The following TECPR1 variants were observed in gnomAD, a reference collection of about 807,000 sequenced individuals.
TECPR1 encodes tectonin beta-propeller repeat containing 1.
Under a neutral mutation model 162.4 loss-of-function variants are expected in TECPR1, and 122 were observed. The observed-to-expected ratio is 0.75, with a 90% CI of 0.65 to 0.87. The LOEUF is 0.87. Ranked by LOEUF, TECPR1 falls within the 40% of genes least tolerant of loss-of-function variation. The probability of loss-of-function intolerance (pLI) is 0.00; values close to 1 mark genes in which losing one functional copy is unlikely to be tolerated. For missense variants in TECPR1, 1,432 were observed against 1,618.2 expected, an observed-to-expected ratio of 0.88 and a Z score of 1.97; for synonymous variants, 642 against 670.6, an observed-to-expected ratio of 0.96 and a Z score of 0.66.
intron 21 of TECPR1, 51 bp downstream of exon 21, chr7:98,222,939 C>G: frequency 6.3e-7 from 1 of 1,596,492 alleles, no homozygotes; most frequent in Non-Finnish European, 8.5e-7. Flanking sequence ...CTGCCGGACT[C>G]CAGAGCAAAG....
intron 23 of TECPR1, among the ~76,000 whole-genome samples, chr7:98,218,596 A>T (rs1798073984): frequency 1.3e-5 from 2 of 152,212 alleles, no homozygotes; most frequent in South Asian, 4.1e-4. Context: ...CTGAGAATCA[A>T]ATTAACCCCT....
In TECPR1 at chr7:98,238,371, C is replaced by T. The variant is rs980228328; in HGVS notation, c.1035+138G>A. 5 of 722,360 alleles carry T rather than the reference C, an allele frequency of 6.9e-6. No homozygotes were observed. In the African/African-American group the frequency reaches 8.8e-5, roughly 13 times the overall value. The allele number at this position is 722,360 out of a possible 1,614,324, so 44.7% of individuals were successfully genotyped here. ...GGCAGCAGAGGGAAGCCTGGCACCT[C>T]AGAAAGAACTTCTTGCTCAGTACAA... On this transcript the variant is annotated intron_variant, in intron 9 of 25. Transcript: ENST00000447648.
chr7:98,219,620 G>A (rs1033125448), intron 23 of TECPR1, among the ~76,000 whole-genome samples: 5 of 152,200 alleles, frequency 3.3e-5, no homozygotes, highest in African/African-American at 7.2e-5. Flanking sequence ...GAAGATATGC[G>A]GCTGGGCGCG....
Position 98,231,966 on chromosome 7 carries a change from A to G in TECPR1, c.1819-7T>C, listed in dbSNP as rs1562938033. 4 of 1,596,470 alleles carry G rather than the reference A, an allele frequency of 2.5e-6. No homozygotes were observed. Among genetic ancestry groups the G allele is most frequent in the East Asian group, 2.2e-5 (1 of 44,642 alleles). ...CGGTCTTCACCCACACCGACTGCGC[A>G]GGCCGGGGCAGTGGACACCATCACA... On this transcript the variant is annotated splice_polypyrimidine_tract_variant and splice_region_variant and intron_variant, in intron 12 of 25. Coordinates refer to ENST00000447648, the MANE Select transcript of TECPR1 (RefSeq NM_015395.3).
intron 2 of TECPR1, among the ~76,000 whole-genome samples, chr7:98,248,983 G>A (rs1053715665): frequency 4.0e-5 from 6 of 151,676 alleles, no homozygotes; most frequent in Admixed American, 3.3e-4. Flanking sequence ...CCACCTTCTG[G>A]GTTCAAGTGA....
chr7:98,245,701 T>A (rs913357295), intron 3 of TECPR1, among the ~76,000 whole-genome samples: 1 of 152,106 alleles, frequency 6.6e-6, no homozygotes, highest in African/African-American at 2.4e-5. Flanking sequence ...CTCAAACTCC[T>A]GAGCTCAAGC....
At chr7:98,217,616 C>G in intron 25 of TECPR1, 76 bp downstream of exon 25, 1 of 1,523,500 alleles carries the variant, frequency 6.6e-7, no homozygotes, top group Non-Finnish European at 8.8e-7. Context: ...GACAGTCCCA[C>G]AGTGGTCGTC....
chr7:98,248,252 C>G (rs935188217), intron 2 of TECPR1, among the ~76,000 whole-genome samples: 3 of 152,156 alleles, frequency 2.0e-5, no homozygotes, highest in Admixed American at 2.0e-4. Context: ...GCCACCAGGG[C>G]CATCACCTGA....
chr7:98,235,903 C>G (rs907938372), intron 10 of TECPR1, among the ~76,000 whole-genome samples: 2 of 150,926 alleles, frequency 1.3e-5, no homozygotes, highest in African/African-American at 4.9e-5. Context: ...AACGCCTGCC[C>G]TGGCTGTCCT....
chr7:98,233,906 C>A lies in TECPR1; in HGVS notation c.1187G>T (p.Gly396Val). ...SGSSSSLLSA[G>V]CFFGDEVRGS... The stretch of plus-strand genomic sequence containing the variant: ...CCTCACCTCATCACCGAAGAAGCAG[C>A]CGGCACTGGGGACAAATCAGGGCAG... The change falls in exon 11 of 26, where the codon GGC becomes GTC. Residue 396 changes from glycine (G) to valine (V), a missense_variant. Transcript: ENST00000447648. The A allele has an allele frequency of 6.5e-7, 1 of 1,532,050 alleles. No homozygotes were observed. The highest frequency in any genetic ancestry group is 8.8e-7 in the Non-Finnish European group (1 of 1,135,114). The allele number at this position is 1,532,050 out of a possible 1,614,324, so 94.9% of individuals were successfully genotyped here.
In TECPR1 at chr7:98,232,915, G is replaced by A. The variant is rs377175362; in HGVS notation, c.1730C>T (p.Ala577Val). 3 of 1,612,758 alleles carry A rather than the reference G, an allele frequency of 1.9e-6. No homozygotes were observed. The African/African-American group carries it at 4.0e-5, about 22-fold the overall frequency. ...SLSITPAQTA[A>V]WRKQIFQQLT... Reference sequence around the variant, plus strand: ...CTGCTGGAAGATCTGCTTCCTCCAGGCAGCGGTCTGGGCCGGCGTGATGGA... The same window carrying A: ...CTGCTGGAAGATCTGCTTCCTCCAGACAGCGGTCTGGGCCGGCGTGATGGA... The change falls in exon 12 of 26, where the codon GCC becomes GTC. Residue 577 changes from alanine to valine, a missense_variant. Physicochemically the swap from Ala to Val is moderately conservative, Grantham distance 64. Transcript: ENST00000447648. This position sits in a 1 kb window ranked among gnomAD's most constrained non-coding sequence, Gnocchi z 4.6.
At chr7:98,247,787 A>G (rs957951796) in intron 2 of TECPR1, among the ~76,000 whole-genome samples, 2 of 151,866 alleles carry the variant, frequency 1.3e-5, no homozygotes, top group Non-Finnish European at 2.9e-5. Context: ...CAGTGGTGCA[A>G]TCATAGCTCA....
chr7:98,234,210 G>T (rs1477792651), intron 10 of TECPR1, among the ~76,000 whole-genome samples: 4 of 152,126 alleles, frequency 2.6e-5, no homozygotes, highest in Non-Finnish European at 4.4e-5. Flanking sequence ...TGGGGTGCAG[G>T]GGCACAATCT....
rs1798023463 is a variant in TECPR1, at chr7:98,216,847, AG to A, written c.*542del. ...CCAAAGTGCTGGGATTACAGGCGTG[AG>A]CCACGGCGCCTGGCCTCCTTCCTTC... On this transcript the variant is annotated 3_prime_UTR_variant, in exon 26 of 26. Transcript: ENST00000447648. 2 of 153,370 alleles carry A rather than the reference AG, an allele frequency of 1.3e-5. No homozygotes were observed. Among genetic ancestry groups the A allele is most frequent in the South Asian group, 4.1e-4 (2 of 4,880 alleles). The allele number at this position is 153,370 out of a possible 1,614,324, so 9.5% of individuals were successfully genotyped here.
rs1269303571 is a variant in TECPR1, at chr7:98,232,262, G to T, written c.1819-303C>A. ...TCGGGAGGGTTCCGTGCCTGGCTTTGGTGTCACAGAGTGAGCCAGCGGCAG... is the reference window on the plus strand; with the variant it reads ...TCGGGAGGGTTCCGTGCCTGGCTTTTGTGTCACAGAGTGAGCCAGCGGCAG... On this transcript the variant is annotated intron_variant, in intron 12 of 25. Transcript: ENST00000447648. This position sits in a 1 kb window ranked among gnomAD's most constrained non-coding sequence, Gnocchi z 4.6. Among the ~76,000 whole-genome samples the T allele has an allele frequency of 6.6e-6, 1 of 152,060 alleles. No individual in the cohort carries two copies. Among genetic ancestry groups the T allele is most frequent in the Non-Finnish European group, 1.5e-5 (1 of 68,012 alleles).
chr7:98,238,441 T>C, intron 9 of TECPR1, 68 bp downstream of exon 9: 2 of 1,298,802 alleles, frequency 1.5e-6, no homozygotes, highest in Non-Finnish European at 1.1e-6. Flanking sequence ...CACTAGGCTA[T>C]TGGGTGGCAT....
Position 98,223,694 on chromosome 7 carries a change from C to T in TECPR1, c.2715G>A (p.Met905Ile), listed in dbSNP as rs764494821. ...AGCACCTCCTCCTCACAAAATCCTT[C>T]ATCGTTTTGGACCCATGGTATGAGC... The part of the protein sequence containing the change: ...FPASYHGSKT[M>I]KDFVRRRCWA... The change falls in exon 20 of 26, where the codon ATG (methionine) becomes ATA (isoleucine). Residue 905 changes from methionine to isoleucine, a missense_variant. Transcript: ENST00000447648. 6.2e-7 allele frequency: 1 copy of T among 1,613,824 alleles called. No homozygotes were observed. Among genetic ancestry groups the T allele is most frequent in the South Asian group, 1.1e-5 (1 of 91,082 alleles).
chr7:98,216,918 G>A lies in TECPR1; in HGVS notation c.*472C>T, dbSNP rs1031015837. 6.3e-6 allele frequency: 1 copy of A among 159,154 alleles called. No individual in the cohort carries two copies. Among genetic ancestry groups the A allele is most frequent in the Non-Finnish European group, 1.4e-5 (1 of 72,448 alleles). The allele number at this position is 159,154 out of a possible 1,614,324, so 9.9% of individuals were successfully genotyped here. A position where few individuals can be genotyped will look rare whatever the true frequency, so the allele number is the denominator to read the frequency against. Reference sequence around the variant, plus strand: ...CTTTGCAAGTCCTGCTCTGAGAAATGGTCACTGCACATGGTAAAGAGGCCC... The same window carrying A: ...CTTTGCAAGTCCTGCTCTGAGAAATAGTCACTGCACATGGTAAAGAGGCCC... On this transcript the variant is annotated 3_prime_UTR_variant, in exon 26 of 26. Coordinates refer to ENST00000447648, the MANE Select transcript of TECPR1 (RefSeq NM_015395.3).
intron 9 of TECPR1, among the ~76,000 whole-genome samples, 191 bp from the exon 10 acceptor site, chr7:98,237,112 T>C (rs1445570342): frequency 6.6e-6 from 1 of 151,934 alleles, no homozygotes; most frequent in Non-Finnish European, 1.5e-5. Flanking sequence ...AGCTGCGACC[T>C]GGTCCCGTCT....
Sources: allele counts gnomAD v4.1 joint callset (sites outside exome capture counted in the v4.1 genomes callset), GRCh38; gene constraint gnomAD v4.1.1; non-coding constraint Gnocchi (gnomAD v3.1); transcripts MANE v1.5; gene names NCBI Gene and HGNC (gene_info 2026-07-23, HGNC 2026-07-21).